Variants in SCN9A observed in about 807,000 individuals in gnomAD.
SCN9A encodes sodium voltage-gated channel alpha subunit 9.
Under a neutral mutation model 187.0 loss-of-function variants are expected in SCN9A, and 131 were observed. That is an observed-to-expected ratio of 0.70 (90% CI 0.61 to 0.81). The LOEUF (loss-of-function observed/expected upper bound fraction) is 0.81. Among genes scored for constraint, SCN9A ranks in the 30% least tolerant of loss-of-function variants. The pLI is 0.00. For synonymous variants in SCN9A, 809 were observed against 808.6 expected, an observed-to-expected ratio of 1.00 and a Z score of -0.01; for missense variants, 2,252 against 2,396.6, an observed-to-expected ratio of 0.94 and a Z score of 1.26.
At chr2:166,263,719 G>A (rs779807555) in intron 17 of SCN9A, among the ~76,000 whole-genome samples, 1 of 151,984 alleles carries the variant, frequency 6.6e-6, no homozygotes, top group Admixed American at 6.6e-5. Context: ...CAGACACAAT[G>A]AAGATGAGGT....
At chr2:166,375,047 A>G (rs1024098620) in intron 1 of SCN9A, among the ~76,000 whole-genome samples, 2 of 152,170 alleles carry the variant, frequency 1.3e-5, no homozygotes, top group East Asian at 1.9e-4. Flanking sequence ...TTTTTCCTAA[A>G]AGTAAATGAG....
chr2:166,342,520 C>T (rs1699810297), intron 1 of SCN9A, among the ~76,000 whole-genome samples: 1 of 152,044 alleles, frequency 6.6e-6, no homozygotes, highest in Non-Finnish European at 1.5e-5. Flanking sequence ...AAAGATTAAA[C>T]CATTAGAGTC....
At chr2:166,370,319 G>A (rs914787997) in intron 1 of SCN9A, among the ~76,000 whole-genome samples, 2 of 150,742 alleles carry the variant, frequency 1.3e-5, no homozygotes, top group Non-Finnish European at 3.0e-5. Flanking sequence ...CGAGGCGGGC[G>A]GATCACTAGG....
intron 17 of SCN9A, among the ~76,000 whole-genome samples, chr2:166,252,759 A>T (rs1168655148): frequency 6.6e-6 from 1 of 151,844 alleles, no homozygotes; most frequent in African/African-American, 2.4e-5. Context: ...AGTAACCATG[A>T]TGTTTACACA....
Position 166,293,385 on chromosome 2 carries a change from A to G in SCN9A, c.966-13T>C, listed in dbSNP as rs1291743296. On this transcript the variant is annotated splice_polypyrimidine_tract_variant and intron_variant, in intron 8 of 26. Coordinates refer to ENST00000642356, the MANE Select transcript of SCN9A (RefSeq NM_001365536.1). ...CTCTGGACACTGACTACACACGAGA[A>G]AGAACATTATAGGTGAGAGTGTCTT... 1.3e-6 allele frequency: 2 copies of G among 1,596,002 alleles called. No homozygotes were observed. The highest frequency in any genetic ancestry group is 2.7e-5 in the African/African-American group (2 of 74,570).
chr2:166,284,560 C>G lies in SCN9A; in HGVS notation c.1867G>C (p.Asp623His), dbSNP rs200398202. The change falls in exon 12 of 27, where the codon GAC becomes CAC. Residue 623 changes from aspartate to histidine, a missense_variant. Coordinates refer to ENST00000642356, the MANE Select transcript of SCN9A (RefSeq NM_001365536.1). Reference protein sequence around the residue: ...PVNGKMHSAVDCNGVVSLVDG... With the variant: ...PVNGKMHSAVHCNGVVSLVDG... The stretch of plus-strand genomic sequence containing the variant: ...ACCAGGGAGACCACACCGTTGCAGT[C>G]CACAGCACTGTGCATTTTCCCGTTC... The G allele has an allele frequency of 1.9e-6, 3 of 1,614,014 alleles. No homozygotes were observed. Among genetic ancestry groups the G allele is most frequent in the Non-Finnish European group, 2.5e-6 (3 of 1,180,008 alleles).
chr2:166,272,368 A>G, intron 17 of SCN9A, 31 bp downstream of exon 17: 1 of 1,306,820 alleles, frequency 7.7e-7, no homozygotes, highest in Middle Eastern at 1.9e-4. Context: ...AATTGTTAAT[A>G]TGAAACACAA....
At chr2:166,200,022 G>A (rs1693424526) in intron 26 of SCN9A, among the ~76,000 whole-genome samples, 158 bp from the exon 27 acceptor site, 1 of 46,568 alleles carries the variant, frequency 2.1e-5, no homozygotes, top group African/African-American at 9.8e-5. Context: ...TTTTGAGACG[G>A]AGTCTCGCTC....
chr2:166,336,486 G>C (rs867460312), intron 1 of SCN9A, among the ~76,000 whole-genome samples: 3 of 152,192 alleles, frequency 2.0e-5, no homozygotes, highest in Middle Eastern at 3.4e-3. Context: ...GGTGGGTAGA[G>C]GACAGAGAGG....
chr2:166,314,497 A>G (rs1300597509), intron 1 of SCN9A, among the ~76,000 whole-genome samples: 2 of 152,218 alleles, frequency 1.3e-5, no homozygotes, highest in Non-Finnish European at 2.9e-5. Context: ...TGTCCACACA[A>G]GAACGTTTAC....
chr2:166,225,955 G>C (rs184767722), intron 24 of SCN9A, among the ~76,000 whole-genome samples: 1 of 152,230 alleles, frequency 6.6e-6, no homozygotes, highest in African/African-American at 2.4e-5. Context: ...AAGTGTGAGA[G>C]AATATATTTC....
At chr2:166,368,843 C>G (rs1375474664) in intron 1 of SCN9A, among the ~76,000 whole-genome samples, 2 of 151,624 alleles carry the variant, frequency 1.3e-5, no homozygotes, top group East Asian at 3.9e-4. Flanking sequence ...CAAAATTAGC[C>G]AGGCGAGGTG....
At chr2:166,258,239 C>T (rs1157310833) in intron 17 of SCN9A, among the ~76,000 whole-genome samples, 3 of 151,388 alleles carry the variant, frequency 2.0e-5, no homozygotes, top group African/African-American at 7.3e-5. Flanking sequence ...TATTTTAATA[C>T]ATTTTAGAAA....
intron 17 of SCN9A, among the ~76,000 whole-genome samples, chr2:166,263,437 C>G (rs1696598938): frequency 1.3e-5 from 2 of 151,936 alleles, no homozygotes; most frequent in African/African-American, 4.8e-5. Context: ...TTCTTCTTTC[C>G]TTAAGATTTA....
intron 1 of SCN9A, among the ~76,000 whole-genome samples, 195 bp from the exon 2 acceptor site, chr2:166,312,001 C>T (rs1004555251): frequency 4.6e-5 from 7 of 152,096 alleles, no homozygotes; most frequent in Non-Finnish European, 7.4e-5. Flanking sequence ...TTCTAACCAT[C>T]TTTATACTCA....
intron 1 of SCN9A, among the ~76,000 whole-genome samples, chr2:166,332,277 C>T (rs1368105227): frequency 2.0e-5 from 3 of 152,180 alleles, no homozygotes; most frequent in Non-Finnish European, 4.4e-5. Context: ...TTTGTCAGCT[C>T]ATTTTCCTAT....
intron 17 of SCN9A, among the ~76,000 whole-genome samples, chr2:166,271,679 A>G (rs1696992069): frequency 6.6e-6 from 1 of 151,994 alleles, no homozygotes; most frequent in Admixed American, 6.6e-5. Flanking sequence ...ACATAGTGAA[A>G]CCTTGTCTCT....
chr2:166,284,724 G>T lies in SCN9A; in HGVS notation c.1703C>A (p.Thr568Asn). ...GCTGTGCTCATCATCGGCAAATTCA[G>T]TCTCAGATCCTATATCTCTTCCTCT... is the stretch of plus-strand genomic sequence containing the variant. ...KGRGRDIGSE[T>N]EFADDEHSIF... The change falls in exon 12 of 27, where the codon ACT becomes AAT. Residue 568 changes from threonine to asparagine, a missense_variant. Thr to Asn is a moderately conservative substitution (Grantham distance 65). This residue lies in a region of SCN9A where 1,013 missense variants were observed against 997.4 expected (regional missense o/e 1.02). Coordinates refer to ENST00000642356, the MANE Select transcript of SCN9A (RefSeq NM_001365536.1). 1.9e-6 allele frequency: 3 copies of T among 1,613,942 alleles called. No individual in the cohort carries two copies. Among genetic ancestry groups the T allele is most frequent in the Non-Finnish European group, 2.5e-6 (3 of 1,179,872 alleles).
chr2:166,281,868 A>T (rs879835577), intron 12 of SCN9A, 60 bp from the exon 13 acceptor site: 1 of 1,505,034 alleles, frequency 6.6e-7, no homozygotes, highest in African/African-American at 1.4e-5. Context: ...TAGGTATAAG[A>T]TAAAATCTTG....
Sources: gnomAD v4.1 joint callset for allele counts (sites outside exome capture counted in the v4.1 genomes callset) on GRCh38, gnomAD v4.1.1 for gene constraint, gnomAD v4.1.1 regional missense constraint, MANE v1.5 for transcripts, NCBI Gene and HGNC (gene_info 2026-07-23, HGNC 2026-07-21) for gene names.